Variants in CORIN observed in about 807,000 individuals in gnomAD.
The protein encoded by CORIN is corin, serine peptidase, also known as atrial natriuretic peptide-converting enzyme.
Under a neutral mutation model 125.3 loss-of-function variants are expected in CORIN, and 117 were observed. The observed-to-expected ratio is 0.93, with a 90% confidence interval of 0.80 to 1.09. The LOEUF is 1.09. Among genes scored for constraint, CORIN ranks in the 50% least tolerant of loss-of-function variants. CORIN has a pLI of 0.00. For missense variants in CORIN, 1,253 were observed against 1,306.7 expected (o/e 0.96, Z 0.63); for synonymous variants, 450 against 466.4 (o/e 0.96, Z 0.45).
At chr4:47,616,613 G>A (rs576588077) in intron 19 of CORIN, among the ~76,000 whole-genome samples, 2 of 152,280 alleles carry the variant, frequency 1.3e-5, no homozygotes, top group South Asian at 4.1e-4. Context: ...TCATTGGACT[G>A]CAAGATGGAA....
intron 1 of CORIN, among the ~76,000 whole-genome samples, chr4:47,813,357 T>C (rs1732137951): frequency 6.6e-6 from 1 of 152,332 alleles, no homozygotes; most frequent in Non-Finnish European, 1.5e-5. Flanking sequence ...TTTCTCCCAA[T>C]ACCTAATTTA....
In CORIN at chr4:47,789,526, G is replaced by C. The variant is rs191489045; in HGVS notation, c.209-2601C>G. Among the ~76,000 whole-genome samples, 462 of 152,236 alleles carry C rather than the reference G, an allele frequency of 3.0e-3. 3 individuals are homozygous for C. Among genetic ancestry groups the C allele is most frequent in the African/African-American group, 0.01 (424 of 41,530 alleles). On this transcript the variant is annotated intron_variant, in intron 2 of 21. Transcript: ENST00000273857. The stretch of plus-strand genomic sequence containing the variant: ...AGGTACTGTAGTTAATGTTTTTAAA[G>C]TATATTTTGGGGGAAGAGAAACAGA...
intron 16 of CORIN, among the ~76,000 whole-genome samples, chr4:47,627,614 A>G (rs1302815341): frequency 4.6e-5 from 7 of 152,170 alleles, no homozygotes; most frequent in Middle Eastern, 3.2e-3. Flanking sequence ...TTCTTGGCCA[A>G]AATGAATCCG....
intron 16 of CORIN, among the ~76,000 whole-genome samples, chr4:47,637,564 G>A (rs563597754): frequency 6.6e-6 from 1 of 152,342 alleles, no homozygotes; most frequent in Non-Finnish European, 1.5e-5. Flanking sequence ...ATGACTAAAA[G>A]GGGCCAAGGT....
intron 10 of CORIN, among the ~76,000 whole-genome samples, chr4:47,669,670 A>G (rs866625791): frequency 2.7e-5 from 4 of 150,516 alleles, no homozygotes; most frequent in Middle Eastern, 3.4e-3. Flanking sequence ...CTGGGTTCGC[A>G]CCATTCTCCT....
intron 3 of CORIN, among the ~76,000 whole-genome samples, chr4:47,771,825 A>C (rs781499299): frequency 6.6e-5 from 10 of 152,226 alleles, no homozygotes; most frequent in Non-Finnish European, 1.3e-4. Flanking sequence ...CATTTGTAAA[A>C]AGTCTTTACA....
intron 1 of CORIN, among the ~76,000 whole-genome samples, chr4:47,830,858 A>G (rs1048878249): frequency 6.6e-6 from 1 of 152,210 alleles, no homozygotes; most frequent in Non-Finnish European, 1.5e-5. Context: ...CTTCAGAGAC[A>G]CTGACACCTA....
chr4:47,821,300 C>G (rs1732500122), intron 1 of CORIN, among the ~76,000 whole-genome samples: 1 of 151,290 alleles, frequency 6.6e-6, no homozygotes, highest in African/African-American at 2.4e-5. Flanking sequence ...TTCAATTTAA[C>G]TACAACAGAG....
Position 47,754,227 on chromosome 4 carries a change from C to A in CORIN, c.617+9152G>T, listed in dbSNP as rs573340711. ...AGCTATTTTGGCTCATAAAATGAAA[C>A]CTCATCTATCACTTCATATTTTATG... On this transcript the variant is annotated intron_variant, in intron 4 of 21. Coordinates refer to ENST00000273857, the MANE Select transcript of CORIN (RefSeq NM_006587.4). Among the ~76,000 whole-genome samples, 60 of 152,006 alleles carry A rather than the reference C, an allele frequency of 3.9e-4. 1 individual carries two copies. The highest frequency in any genetic ancestry group is 2.1e-4 in the South Asian group (1 of 4,814).
intron 5 of CORIN, among the ~76,000 whole-genome samples, chr4:47,724,992 A>G (rs1485096199): frequency 1.3e-5 from 2 of 152,192 alleles, no homozygotes; most frequent in Non-Finnish European, 2.9e-5. Flanking sequence ...AACAATGTTT[A>G]CCATAACTAG....
chr4:47,797,224 T>C (rs2109935320), intron 2 of CORIN, among the ~76,000 whole-genome samples: 1 of 148,194 alleles, frequency 6.7e-6, no homozygotes, highest in African/African-American at 2.4e-5. Flanking sequence ...TAATATAATA[T>C]ATAATTATAA....
At chr4:47,832,088 T>C (rs886163989) in intron 1 of CORIN, among the ~76,000 whole-genome samples, 5 of 152,196 alleles carry the variant, frequency 3.3e-5, no homozygotes, top group South Asian at 2.1e-4. Context: ...TGGTACAACA[T>C]GTAGGAGTAC....
At chr4:47,749,122 A>C (rs138116708) in intron 4 of CORIN, among the ~76,000 whole-genome samples, 3,149 of 151,128 alleles carry the variant, frequency 0.021, 57 homozygotes, top group Middle Eastern at 0.044. Context: ...TTTCATGAGA[A>C]AAAAAAAAAC....
At chr4:47,710,658 T>G (rs963926719) in intron 5 of CORIN, among the ~76,000 whole-genome samples, 1 of 152,264 alleles carries the variant, frequency 6.6e-6, no homozygotes, top group South Asian at 2.1e-4. Context: ...CTTCTGCTGT[T>G]GCCAATCTGT....
intron 1 of CORIN, among the ~76,000 whole-genome samples, chr4:47,816,022 G>A (rs1577947678): frequency 6.6e-6 from 1 of 152,164 alleles, no homozygotes; most frequent in African/African-American, 2.4e-5. Flanking sequence ...GAAACAGATT[G>A]TCAAAGTGAG....
At chr4:47,675,146 G>T (rs535942896) in intron 9 of CORIN, among the ~76,000 whole-genome samples, 1 of 152,270 alleles carries the variant, frequency 6.6e-6, no homozygotes, top group African/African-American at 2.4e-5. Flanking sequence ...TTTCCTTAAG[G>T]TAGGTAGAGA....
At chr4:47,829,026 T>G (rs918857749) in intron 1 of CORIN, among the ~76,000 whole-genome samples, 1 of 151,664 alleles carries the variant, frequency 6.6e-6, no homozygotes, top group Non-Finnish European at 1.5e-5. Flanking sequence ...GGCATGGTGG[T>G]GGGCGCCTGT....
chr4:47,765,540 T>C (rs1729693290), intron 3 of CORIN, among the ~76,000 whole-genome samples: 1 of 152,186 alleles, frequency 6.6e-6, no homozygotes, highest in Non-Finnish European at 1.5e-5. Flanking sequence ...AGAAGTAGGA[T>C]TGCTGGGTAA....
chr4:47,628,162 T>G (rs1389147568), intron 16 of CORIN, among the ~76,000 whole-genome samples: 1 of 152,192 alleles, frequency 6.6e-6, no homozygotes, highest in Admixed American at 6.5e-5. Flanking sequence ...ATGTTTCTCA[T>G]GCACAAACAT....
Sources: allele counts gnomAD v4.1 joint callset (sites outside exome capture counted in the v4.1 genomes callset), GRCh38; gene constraint gnomAD v4.1.1; transcripts MANE v1.5; gene names NCBI Gene and HGNC (gene_info 2026-07-23, HGNC 2026-07-21).